The following IGSF5 variants were observed in gnomAD, a reference collection of about 807,000 sequenced individuals.
The protein encoded by IGSF5 is immunoglobulin superfamily 5 like.
IGSF5 carries 41 observed loss-of-function variants against 39.4 expected under a neutral mutation model. The observed-to-expected ratio is 1.04, with a 90% CI of 0.81 to 1.35. The LOEUF (loss-of-function observed/expected upper bound fraction) is 1.35. Among genes scored for constraint, IGSF5 ranks in the 40% most tolerant of loss-of-function variants. The pLI is 0.00. For synonymous variants in IGSF5, 183 were observed against 175.3 expected, an observed-to-expected ratio of 1.04 and a Z score of -0.34; for missense variants, 487 against 494.6, an observed-to-expected ratio of 0.98 and a Z score of 0.15.
chr21:39,760,391 T>G lies in IGSF5; in HGVS notation c.101-5144T>G, dbSNP rs1325873478. On this transcript the variant is annotated intron_variant, in intron 2 of 8. Coordinates refer to ENST00000380588, the MANE Select transcript of IGSF5 (RefSeq NM_001080444.2). ...AAATACAAAACAACTACTGTGACAA[T>G]TGTAACCCCCGAACAATCAGGCCAG... is the stretch of plus-strand genomic sequence containing the variant. Among the ~76,000 whole-genome samples, 2 of 152,138 alleles carry G rather than the reference T, an allele frequency of 1.3e-5. 1 individual carries two copies. The highest frequency in any genetic ancestry group is 4.1e-4 in the South Asian group (2 of 4,822).
At chr21:39,780,422 G>T (rs2080164527) in intron 5 of IGSF5, among the ~76,000 whole-genome samples, 1 of 152,026 alleles carries the variant, frequency 6.6e-6, no homozygotes, top group Non-Finnish European at 1.5e-5. Flanking sequence ...ACTGATTATT[G>T]GATTTTTGTG....
the IGSF5 span, among the ~76,000 whole-genome samples, chr21:39,717,831 T>G: frequency 6.6e-6 from 1 of 152,248 alleles, no homozygotes; most frequent in African/African-American, 2.4e-5. Context: ...GGGCTCTTTT[T>G]TGGTTCCATA....
intron 2 of IGSF5, among the ~76,000 whole-genome samples, chr21:39,749,637 T>C (rs534975053): frequency 6.6e-6 from 1 of 152,350 alleles, no homozygotes; most frequent in South Asian, 2.1e-4. Flanking sequence ...ATACATTTTG[T>C]GGAGGCATGA....
the IGSF5 span, among the ~76,000 whole-genome samples, chr21:39,723,996 G>A: frequency 6.6e-6 from 1 of 151,864 alleles, no homozygotes; most frequent in Non-Finnish European, 1.5e-5. Context: ...AGCCTGGGAG[G>A]CAAAGGTTGT....
At chr21:39,744,581 C>T (rs2079963397), upstream of IGSF5, among the ~76,000 whole-genome samples, 1 of 152,176 alleles carries the variant, frequency 6.6e-6, no homozygotes, top group Admixed American at 6.5e-5. Flanking sequence ...AAGGAAGATC[C>T]TCCTAGGTCT....
chr21:39,738,272 T>C, the IGSF5 span, among the ~76,000 whole-genome samples: 3 of 152,106 alleles, frequency 2.0e-5, no homozygotes, highest in African/African-American at 7.2e-5. This position sits in a 1 kb window ranked among gnomAD's most constrained non-coding sequence, Gnocchi z 6.4. Flanking sequence ...ATGAGAGAAG[T>C]GAAAGCGGAA....
chr21:39,771,393 C>T (rs1316790620), intron 4 of IGSF5, among the ~76,000 whole-genome samples, 178 bp downstream of exon 4: 1 of 152,182 alleles, frequency 6.6e-6, no homozygotes, highest in Non-Finnish European at 1.5e-5. Flanking sequence ...CCCTCGTCTG[C>T]TTTTTAAATT....
At chr21:39,746,067 A>G (rs2041816409) in intron 1 of IGSF5, 149 bp from the exon 2 acceptor site, 2 of 650,412 alleles carry the variant, frequency 3.1e-6, no homozygotes, top group South Asian at 3.2e-5. Context: ...TTATAGCTCT[A>G]TTAGAAGCTG....
chr21:39,787,262 C>T (rs2086927701), intron 5 of IGSF5, among the ~76,000 whole-genome samples: 1 of 152,116 alleles, frequency 6.6e-6, no homozygotes, highest in South Asian at 2.1e-4. Context: ...TTTCTGCAAT[C>T]CAGATAGAAT....
rs1217761342 is a variant in IGSF5 at position 39,765,835 on chromosome 21, C to T, written c.401C>T (p.Ala134Val). Residue 134 changes from alanine (A) to valine (V), a missense_variant, in exon 3 of 9, where the codon GCT (alanine) becomes GTT (valine). Physicochemically the swap from Ala to Val is moderately conservative, Grantham distance 64. Transcript: ENST00000380588. ...SLQNSRLHGS[A>V]YLTVQVMGEL... ...CAGAACAGTCGCCTGCATGGATCTG[C>T]TTACCTTACCGTCCAAGGTGTGTAT... The T allele has an allele frequency of 2.0e-5, 32 of 1,612,560 alleles. No individual in the cohort carries two copies. The highest frequency in any genetic ancestry group is 2.5e-5 in the Non-Finnish European group (29 of 1,178,942).
At chr21:39,715,809 G>A in the IGSF5 span, among the ~76,000 whole-genome samples, 1 of 151,852 alleles carries the variant, frequency 6.6e-6, no homozygotes, top group Non-Finnish European at 1.5e-5. Flanking sequence ...ATAATTTACA[G>A]TCTTCTTCCA....
At chr21:39,746,409 G>T in intron 2 of IGSF5, 111 bp downstream of exon 2, 1 of 592,972 alleles carries the variant, frequency 1.7e-6, no homozygotes, top group Admixed American at 2.7e-5. Context: ...AAAGGGAGGG[G>T]TCCCAAAGGG....
intron 2 of IGSF5, 123 bp from the exon 3 acceptor site, chr21:39,765,412 C>T (rs770821032): frequency 3.7e-6 from 3 of 815,706 alleles, no homozygotes; most frequent in Non-Finnish European, 3.9e-6. Context: ...TCAAAAGACA[C>T]AGTCTGAGTC....
At chr21:39,798,513 C>T (rs1029255877) in intron 8 of IGSF5, among the ~76,000 whole-genome samples, 3 of 152,138 alleles carry the variant, frequency 2.0e-5, no homozygotes, top group Admixed American at 1.3e-4. Context: ...TTAGGAGGAG[C>T]AGCAGGTTTC....
At chr21:39,716,805 A>T in the IGSF5 span, among the ~76,000 whole-genome samples, 1 of 152,210 alleles carries the variant, frequency 6.6e-6, no homozygotes, top group African/African-American at 2.4e-5. Flanking sequence ...GCTGCAATGA[A>T]CATTTATGTG....
intron 2 of IGSF5, among the ~76,000 whole-genome samples, chr21:39,747,442 C>G (rs1245110053): frequency 2.0e-5 from 1 of 49,002 alleles, no homozygotes; most frequent in East Asian, 3.8e-4. Context: ...GCCACATGGC[C>G]TGGGGGGTTC....
chr21:39,726,445 C>T, the IGSF5 span, among the ~76,000 whole-genome samples: 276 of 152,230 alleles, frequency 1.8e-3, 1 homozygote, highest in Non-Finnish European at 2.7e-3. Flanking sequence ...TGTCGGGGTC[C>T]ACCAGGGCCT....
chr21:39,729,277 G>C, the IGSF5 span: 1 of 152,204 alleles, frequency 6.6e-6, no homozygotes, highest in African/African-American at 2.4e-5. Context: ...AAGCGAAAGA[G>C]AAGAACAGAA....
In IGSF5 at chr21:39,779,203, A is replaced by T. The variant is rs555594699; in HGVS notation, c.832A>T (p.Thr278Ser). The change falls in exon 5 of 9, where the codon ACG becomes TCG. Residue 278 changes from threonine to serine, a missense_variant. Coordinates refer to ENST00000380588, the MANE Select transcript of IGSF5 (RefSeq NM_001080444.2). ...GLGLAGTMLL[T>S]PTCTLTIRCC... The stretch of plus-strand genomic sequence containing the variant: ...TGGACTAGCAGGCACCATGCTTCTG[A>T]CGCCGACGTGTACTCTTACAATACG... 2.4e-5 allele frequency: 38 copies of T among 1,614,048 alleles called. No individual in the cohort carries two copies. In the South Asian group the frequency reaches 4.2e-4, roughly 18 times the overall value.
Sources: gnomAD v4.1 joint callset for allele counts (sites outside exome capture counted in the v4.1 genomes callset) on GRCh38, gnomAD v4.1.1 for gene constraint, Gnocchi (gnomAD v3.1) non-coding constraint, MANE v1.5 for transcripts, NCBI Gene and HGNC (gene_info 2026-07-23, HGNC 2026-07-21) for gene names.